The following LHFPL6 variants were observed in gnomAD, a reference collection of about 807,000 sequenced individuals.
LHFPL6 encodes the protein LHFPL tetraspan subfamily member 6 protein.
Under a neutral mutation model 20.6 loss-of-function variants are expected in LHFPL6, and 9 were observed. That is an observed-to-expected ratio of 0.44 (90% CI 0.26 to 0.76). The LOEUF (loss-of-function observed/expected upper bound fraction) is 0.76, where lower values mean the gene tolerates loss of function less well. LHFPL6 is among the 30% of genes least tolerant of loss of function. The pLI, the probability that LHFPL6 is intolerant of heterozygous loss-of-function variation, is 0.20. For synonymous variants in LHFPL6, 105 were observed against 98.7 expected (o/e 1.06, Z -0.38); for missense variants, 218 against 253.5 (o/e 0.86, Z 0.95).
At chr13:39,548,711 G>C (rs766349634) in intron 2 of LHFPL6, among the ~76,000 whole-genome samples, 1 of 152,088 alleles carries the variant, frequency 6.6e-6, no homozygotes, top group Admixed American at 6.5e-5. Flanking sequence ...CCATGCCTCA[G>C]TAAAAGAAAC....
intron 2 of LHFPL6, among the ~76,000 whole-genome samples, chr13:39,484,983 T>C (rs1461632452): frequency 6.6e-6 from 1 of 152,158 alleles, no homozygotes; most frequent in East Asian, 1.9e-4. Flanking sequence ...AACAAATGCC[T>C]GAACAGGGCA....
intron 2 of LHFPL6, among the ~76,000 whole-genome samples, chr13:39,402,372 G>A (rs994749000): frequency 2.0e-5 from 3 of 152,044 alleles, no homozygotes; most frequent in East Asian, 3.9e-4. Flanking sequence ...CTATAGGCAC[G>A]CACCACTATG....
At chr13:39,373,273 G>C (rs902224498) in intron 3 of LHFPL6, among the ~76,000 whole-genome samples, 1 of 152,166 alleles carries the variant, frequency 6.6e-6, no homozygotes, top group Non-Finnish European at 1.5e-5. Flanking sequence ...CCACAGACTG[G>C]TTTCTCTGCC....
chr13:39,543,497 C>T (rs765933827), intron 2 of LHFPL6, among the ~76,000 whole-genome samples: 5 of 152,168 alleles, frequency 3.3e-5, no homozygotes, highest in South Asian at 4.1e-4. Context: ...GCATGAAGGA[C>T]GTTCCCTGGG....
chr13:39,347,454 G>A (rs376654054), intron 3 of LHFPL6, among the ~76,000 whole-genome samples: 5 of 152,304 alleles, frequency 3.3e-5, no homozygotes, highest in African/African-American at 1.2e-4. Flanking sequence ...AGAGTAACTC[G>A]TGTCCTGTTT....
chr13:39,440,640 A>G (rs1396960208), intron 2 of LHFPL6, among the ~76,000 whole-genome samples: 1 of 152,046 alleles, frequency 6.6e-6, no homozygotes, highest in Non-Finnish European at 1.5e-5. Flanking sequence ...TTGCTCTGTC[A>G]CTCAGGCTGA....
chr13:39,437,977 A>G (rs1294112325), intron 2 of LHFPL6, among the ~76,000 whole-genome samples: 1 of 152,162 alleles, frequency 6.6e-6, no homozygotes, highest in Non-Finnish European at 1.5e-5. Flanking sequence ...ATACCTAAAA[A>G]TGTGGAACTG....
Position 39,354,278 on chromosome 13 carries a change from CAG to C in LHFPL6, c.485-10226_485-10225del, listed in dbSNP as rs1478194827. Among the ~76,000 whole-genome samples, 3 of 152,274 alleles carry C rather than the reference CAG, an allele frequency of 2.0e-5. No individual in the cohort carries two copies. The East Asian group carries it at 5.8e-4, about 29-fold the overall frequency. ...TCTAGCCACAAATAAAGATCCTGCA[CAG>C]AGTCTTGGGCCTCTGAAAGCACCCA... On this transcript the variant is annotated intron_variant, in intron 3 of 3. Transcript: ENST00000379589.
At chr13:39,355,763 A>G (rs151000292) in intron 3 of LHFPL6, among the ~76,000 whole-genome samples, 1 of 152,350 alleles carries the variant, frequency 6.6e-6, no homozygotes, top group African/African-American at 2.4e-5. Flanking sequence ...CAGACTTCAA[A>G]CCAACCACAG....
chr13:39,420,908 A>G (rs578141365), intron 2 of LHFPL6, among the ~76,000 whole-genome samples: 29 of 152,300 alleles, frequency 1.9e-4, no homozygotes, highest in African/African-American at 6.3e-4. Context: ...TCCTTCATAT[A>G]GTTCCGTTCT....
chr13:39,596,150 A>G (rs542814576), intron 2 of LHFPL6, among the ~76,000 whole-genome samples: 60 of 152,254 alleles, frequency 3.9e-4, no homozygotes, highest in Non-Finnish European at 6.0e-4. Context: ...GTATGTATCT[A>G]TATATAATAT....
At chr13:39,355,359 C>T (rs1869695768) in intron 3 of LHFPL6, among the ~76,000 whole-genome samples, 1 of 151,924 alleles carries the variant, frequency 6.6e-6, no homozygotes, top group African/African-American at 2.4e-5. Flanking sequence ...AATTCATTAC[C>T]ACCAGACCAG....
chr13:39,456,453 A>G (rs1872572085), intron 2 of LHFPL6, among the ~76,000 whole-genome samples: 1 of 152,230 alleles, frequency 6.6e-6, no homozygotes, highest in Non-Finnish European at 1.5e-5. Context: ...AAATTAAACC[A>G]AAAACAATTC....
At chr13:39,512,612 A>AAAAAAAAAAG (rs1432715224) in intron 2 of LHFPL6, among the ~76,000 whole-genome samples, 39 of 125,686 alleles carry the variant, frequency 3.1e-4, no homozygotes, top group African/African-American at 1.2e-3. Flanking sequence ...AAAAAAAAAA[A>AAAAAAAAAAG]AAAGAAAAGA....
intron 3 of LHFPL6, among the ~76,000 whole-genome samples, chr13:39,355,728 G>T (rs180676672): frequency 4.6e-5 from 7 of 152,280 alleles, no homozygotes; most frequent in Non-Finnish European, 1.0e-4. Flanking sequence ...AAGAGCAGGG[G>T]TTGCTATTCT....
rs115126738 is a variant in LHFPL6 at position 39,382,275 on chromosome 13, T to G, written c.386-3749A>C. Among the ~76,000 whole-genome samples the G allele has an allele frequency of 6.9e-3, 1,050 of 152,352 alleles. 15 individuals carry two copies. The highest frequency in any genetic ancestry group is 0.024 in the African/African-American group (1,013 of 41,588). On this transcript the variant is annotated intron_variant, in intron 2 of 3. Transcript: ENST00000379589. ...AACACTAGATTGCCATCTTCTCAGG[T>G]TGCTGGTTCTCCGATTAAACCTGCT...
chr13:39,577,283 A>G (rs1872145524), intron 2 of LHFPL6, among the ~76,000 whole-genome samples: 1 of 152,156 alleles, frequency 6.6e-6, no homozygotes, highest in Non-Finnish European at 1.5e-5. Context: ...CTTCTCTCCA[A>G]CAGGCTACAC....
At chr13:39,501,109 G>A (rs986135914) in intron 2 of LHFPL6, among the ~76,000 whole-genome samples, 2 of 152,126 alleles carry the variant, frequency 1.3e-5, no homozygotes, top group Admixed American at 6.5e-5. Flanking sequence ...GCACCTTTGA[G>A]GTCTAGATTC....
intron 2 of LHFPL6, among the ~76,000 whole-genome samples, chr13:39,489,713 C>T (rs147524393): frequency 7.2e-4 from 110 of 151,978 alleles, no homozygotes; most frequent in African/African-American, 1.8e-3. Flanking sequence ...CCACCATGCC[C>T]GGCTAATTTT....
Sources: gnomAD v4.1 joint callset for allele counts (sites outside exome capture counted in the v4.1 genomes callset) on GRCh38, gnomAD v4.1.1 for gene constraint, MANE v1.5 for transcripts, NCBI Gene and HGNC (gene_info 2026-07-23, HGNC 2026-07-21) for gene names.